Variants in DDR2 observed in about 807,000 individuals in gnomAD.
DDR2 encodes the protein discoidin domain-containing receptor 2.
A neutral mutation model predicts 94.9 loss-of-function variants in DDR2; 27 were observed. That is an observed-to-expected ratio of 0.28 (90% confidence interval 0.21 to 0.39). The LOEUF (loss-of-function observed/expected upper bound fraction) is 0.39. Ranked by LOEUF, DDR2 falls within the 10% of genes least tolerant of loss-of-function variation. DDR2 has a pLI of 1.00. For synonymous variants in DDR2, 382 were observed against 377.2 expected (o/e 1.01, Z -0.15); for missense variants, 783 against 1,076.0 (o/e 0.73, Z 3.81).
chr1:162,660,530 G>C (rs781115842), intron 2 of DDR2, among the ~76,000 whole-genome samples: 3 of 152,190 alleles, frequency 2.0e-5, no homozygotes, highest in Non-Finnish European at 2.9e-5. Flanking sequence ...ATTGGCCTTT[G>C]AGACTTGCTG....
intron 1 of DDR2, among the ~76,000 whole-genome samples, chr1:162,643,338 A>G (rs1406812622): frequency 6.6e-6 from 1 of 152,138 alleles, no homozygotes; most frequent in Non-Finnish European, 1.5e-5. Flanking sequence ...AATATATTCT[A>G]ACAAAGATGC....
At chr1:162,770,189 T>C (rs975745333) in intron 11 of DDR2, 113 bp from the exon 12 acceptor site, 2 of 1,058,332 alleles carry the variant, frequency 1.9e-6, no homozygotes, top group Non-Finnish European at 2.9e-6. Context: ...TTGCTGGGGT[T>C]AAACAGTAGT....
chr1:162,774,133 ACAGTTCTCTAG>A (rs1290621852), intron 14 of DDR2, among the ~76,000 whole-genome samples: 1 of 152,216 alleles, frequency 6.6e-6, no homozygotes, highest in African/African-American at 2.4e-5. Context: ...AAAAGGATCC[ACAGTTCTCTAG>A]CAGTTTTCCA....
rs192283736 is a variant in DDR2 at position 162,728,526 on chromosome 1, G to A, written c.82+9381G>A. Among the ~76,000 whole-genome samples the A allele has an allele frequency of 7.2e-5, 11 of 152,192 alleles. No homozygotes were observed. In the East Asian group the frequency reaches 1.9e-3, roughly 27 times the overall value. On this transcript the variant is annotated intron_variant, in intron 3 of 17. Coordinates refer to ENST00000367921, the MANE Select transcript of DDR2 (RefSeq NM_006182.4). ...AAAAGTAGGAACCATATAATCTTGG[G>A]ATCCTCAGTATATGACAAATGTTTT...
chr1:162,766,154 G>A, intron 10 of DDR2, 91 bp downstream of exon 10: 1 of 1,422,774 alleles, frequency 7.0e-7, no homozygotes, highest in Non-Finnish European at 9.9e-7. Context: ...TGGCTGTGTG[G>A]GAGGCTTTAC....
intron 3 of DDR2, among the ~76,000 whole-genome samples, chr1:162,734,048 G>A (rs1035169833): frequency 6.6e-6 from 1 of 152,096 alleles, no homozygotes; most frequent in Admixed American, 6.5e-5. Context: ...AGATCCATGA[G>A]ACAAATTATT....
At chr1:162,706,178 T>C (rs1323200895) in intron 2 of DDR2, among the ~76,000 whole-genome samples, 1 of 152,160 alleles carries the variant, frequency 6.6e-6, no homozygotes, top group African/African-American at 2.4e-5. Flanking sequence ...GGCAGTGAGA[T>C]GAACAGGTCA....
chr1:162,661,537 C>T lies in DDR2; in HGVS notation c.-28+6163C>T, dbSNP rs73018567. Among the ~76,000 whole-genome samples the T allele has an allele frequency of 8.1e-3, 1,232 of 152,232 alleles. 25 individuals carry two copies. Among genetic ancestry groups the T allele is most frequent in the African/African-American group, 0.028 (1,154 of 41,548 alleles). On this transcript the variant is annotated intron_variant, in intron 2 of 17. Coordinates refer to ENST00000367921, the MANE Select transcript of DDR2 (RefSeq NM_006182.4). ...TGTGAAATGATGGCACACACAAGCT[C>T]CAAGAATAGCTGCGTGTGTACACCA...
chr1:162,631,676 T>A (rs938354927), upstream of DDR2, among the ~76,000 whole-genome samples: 1 of 151,980 alleles, frequency 6.6e-6, no homozygotes, highest in African/African-American at 2.4e-5. Context: ...GAGTGAAGGC[T>A]CCTCCCCTGT....
At chr1:162,683,690 GA>G (rs1424547046) in intron 2 of DDR2, among the ~76,000 whole-genome samples, 3 of 151,968 alleles carry the variant, frequency 2.0e-5, no homozygotes, top group Admixed American at 6.6e-5. Flanking sequence ...CTTGTATGTT[GA>G]AGGCTACAAA....
At chr1:162,741,552 G>A in intron 3 of DDR2, 1 of 984,368 alleles carries the variant, frequency 1.0e-6, no homozygotes, top group South Asian at 4.7e-5. Context: ...ACAGCACTTT[G>A]CAAACTGTTA....
rs1451305085 is a variant in DDR2, at chr1:162,752,953, T to C, written c.83-142T>C. The C allele has an allele frequency of 5.6e-6, 4 of 710,916 alleles. No individual in the cohort carries two copies. In the African/African-American group the frequency reaches 7.1e-5, roughly 13 times the overall value. 44.0% of individuals were successfully genotyped at this position (710,916 alleles called of 1,614,324 possible). ...GACAAGTCTGATAGAGTCAGGGTGATCAAACTGGGGCCATAGAGGAATTTA... is the reference window on the plus strand; with the variant it reads ...GACAAGTCTGATAGAGTCAGGGTGACCAAACTGGGGCCATAGAGGAATTTA... On this transcript the variant is annotated intron_variant, in intron 3 of 17. Coordinates refer to ENST00000367921, the MANE Select transcript of DDR2 (RefSeq NM_006182.4).
rs1647976625 is a variant in DDR2 at position 162,782,812 on chromosome 1, A to G, written c.*2566A>G. On this transcript the variant is annotated 3_prime_UTR_variant, in exon 18 of 18. Coordinates refer to ENST00000367921, the MANE Select transcript of DDR2 (RefSeq NM_006182.4). ...GAATTTTCCTGGCCTTGAGTCACAG[A>G]AGTAATATGTTTCAGATGGCTGCCC... 1 of 152,122 alleles carries G rather than the reference A, an allele frequency of 6.6e-6. No individual in the cohort carries two copies. The highest frequency in any genetic ancestry group is 6.6e-5 in the Admixed American group (1 of 15,258). The allele number at this position is 152,122 out of a possible 1,614,324, so 9.4% of individuals were successfully genotyped here. A position where few individuals can be genotyped will look rare whatever the true frequency, so the allele number is the denominator to read the frequency against.
At position 162,727,963 on chromosome 1, in the gene DDR2, A is replaced by ATATATATATC. The variant is rs71694150; in HGVS notation, c.82+8827_82+8828insCTATATATAT. Among the ~76,000 whole-genome samples the ATATATATATC allele has an allele frequency of 9.3e-3, 1,173 of 125,614 alleles. 38 individuals are homozygous for ATATATATATC. Among genetic ancestry groups the ATATATATATC allele is most frequent in the East Asian group, 0.059 (234 of 3,978 alleles). The allele number at this position is 125,614 out of a possible 152,430, so 82.4% of individuals were successfully genotyped here. ...GTCGACAATCACACTATATATATCT[A>ATATATATATC]TATATATATATATAGATATAATCAC... is the stretch of plus-strand genomic sequence containing the variant. On this transcript the variant is annotated intron_variant, in intron 3 of 17. Coordinates refer to ENST00000367921, the MANE Select transcript of DDR2 (RefSeq NM_006182.4).
chr1:162,766,781 C>T (rs1246012599), intron 10 of DDR2, among the ~76,000 whole-genome samples: 1 of 152,088 alleles, frequency 6.6e-6, no homozygotes, highest in African/African-American at 2.4e-5. Flanking sequence ...CACCTGTAAT[C>T]CCAGCACTTT....
At position 162,689,841 on chromosome 1, in the gene DDR2, TTAAAAAAAAAAAAA is replaced by T. The variant is rs1242627572; in HGVS notation, c.-27-29195_-27-29182del. On this transcript the variant is annotated intron_variant, in intron 2 of 17. Transcript: ENST00000367921. Reference sequence around the variant, plus strand: ...CAACATGGTGAAACCCCATCTCTACTTAAAAAAAAAAAAAAAAAAAAAAAAATAGCCAGGTGTGG... The same window carrying T: ...CAACATGGTGAAACCCCATCTCTACTAAAAAAAAAAAATAGCCAGGTGTGG... Among the ~76,000 whole-genome samples, 7 of 14,686 alleles carry T rather than the reference TTAAAAAAAAAAAAA, an allele frequency of 4.8e-4. 2 individuals carry two copies. Among genetic ancestry groups the T allele is most frequent in the Non-Finnish European group, 1.2e-3 (7 of 5,788 alleles). 9.6% of individuals were successfully genotyped at this position (14,686 alleles called of 152,430 possible).
intron 4 of DDR2, 68 bp from the exon 5 acceptor site, chr1:162,754,556 C>T: frequency 6.6e-7 from 1 of 1,514,846 alleles, no homozygotes; most frequent in South Asian, 1.1e-5. Context: ...AGCTGCTTGC[C>T]TGTGAACCAG....
At chr1:162,694,601 C>T (rs1394377634) in intron 2 of DDR2, among the ~76,000 whole-genome samples, 3 of 152,024 alleles carry the variant, frequency 2.0e-5, no homozygotes, top group East Asian at 1.9e-4. Flanking sequence ...TTTTTTCCAG[C>T]CTCCCATGAA....
intron 1 of DDR2, among the ~76,000 whole-genome samples, chr1:162,642,055 A>G (rs1322191911): frequency 6.6e-6 from 1 of 152,070 alleles, no homozygotes; most frequent in Non-Finnish European, 1.5e-5. Context: ...GGTTCAAGCC[A>G]TTCTCCATCC....
Sources: allele counts gnomAD v4.1 joint callset (sites outside exome capture counted in the v4.1 genomes callset), GRCh38; gene constraint gnomAD v4.1.1; transcripts MANE v1.5; gene names NCBI Gene and HGNC (gene_info 2026-07-23, HGNC 2026-07-21).